The following MYT1L variants were observed in gnomAD, a reference collection of about 807,000 sequenced individuals.
The protein encoded by MYT1L is myelin transcription factor 1-like protein.
Under a neutral mutation model 126.7 loss-of-function variants are expected in MYT1L, and 12 were observed. The ratio of observed to expected loss-of-function variants is 0.09; its 90% confidence interval spans 0.06 to 0.15. MYT1L has a LOEUF of 0.15. Among genes scored for constraint, MYT1L ranks in the 10% least tolerant of loss-of-function variants. The pLI, the probability that MYT1L is intolerant of heterozygous loss-of-function variation, is 1.00. For missense variants in MYT1L, 979 were observed against 1,585.2 expected (o/e 0.62, Z 6.49); for synonymous variants, 541 against 604.2 (o/e 0.90, Z 1.53).
chr2:1,860,047 A>G (rs2044387252), intron 18 of MYT1L, among the ~76,000 whole-genome samples: 1 of 152,178 alleles, frequency 6.6e-6, no homozygotes, highest in Non-Finnish European at 1.5e-5. Context: ...CTCTTCACTT[A>G]TCCCTCTGTG....
intron 18 of MYT1L, among the ~76,000 whole-genome samples, chr2:1,872,701 T>C (rs2046415362): frequency 1.3e-5 from 2 of 152,362 alleles, no homozygotes; most frequent in South Asian, 2.1e-4. Context: ...TTTTCTGACA[T>C]GCCCTCCCTC....
intron 8 of MYT1L, among the ~76,000 whole-genome samples, chr2:1,952,888 TTCCC>T (rs1361197403): frequency 1.3e-5 from 1 of 75,850 alleles, no homozygotes; most frequent in Non-Finnish European, 2.4e-5. Context: ...CTTCCTTCCC[TTCCC>T]TCCTTCTTTC....
intron 3 of MYT1L, among the ~76,000 whole-genome samples, chr2:2,155,431 A>G (rs2086567991): frequency 6.6e-6 from 1 of 152,122 alleles, no homozygotes; most frequent in South Asian, 2.1e-4. Context: ...GTCTATTAAC[A>G]CCTATAATTT....
rs1425374540 is a variant in MYT1L at position 1,917,021 on chromosome 2, C to T, written c.1618+184G>A. ...GGTGGGCTTCATGGTGCACCACTCT[C>T]CTGGGGCTGTGCCATTGGCATGCCC... On this transcript the variant is annotated intron_variant, in intron 11 of 24. Coordinates refer to ENST00000647738, the MANE Select transcript of MYT1L (RefSeq NM_001303052.2). The surrounding 1 kb of genome is among the most constrained non-coding windows in gnomAD (Gnocchi z 5.9). 6.6e-6 allele frequency among the ~76,000 whole-genome samples: 1 copy of T among 152,196 alleles called. No homozygotes were observed. The highest frequency in any genetic ancestry group is 6.5e-5 in the Admixed American group (1 of 15,280).
At chr2:2,311,355 G>A (rs143052038) in intron 1 of MYT1L, among the ~76,000 whole-genome samples, 56 of 152,290 alleles carry the variant, frequency 3.7e-4, no homozygotes, top group African/African-American at 1.2e-3. Flanking sequence ...GCAGCTGAGC[G>A]GCCTGGATCA....
At chr2:2,182,041 A>G (rs2091591142) in intron 2 of MYT1L, among the ~76,000 whole-genome samples, 1 of 152,180 alleles carries the variant, frequency 6.6e-6, no homozygotes, top group Non-Finnish European at 1.5e-5. Context: ...ATATGTAACA[A>G]GCTTTCAGAG....
At chr2:1,980,088 C>T (rs2060490440) in intron 5 of MYT1L, among the ~76,000 whole-genome samples, 1 of 151,640 alleles carries the variant, frequency 6.6e-6, no homozygotes, top group Admixed American at 6.6e-5. Flanking sequence ...GATGGAGACA[C>T]ATCTGTGTGC....
intron 5 of MYT1L, among the ~76,000 whole-genome samples, chr2:1,993,976 A>C (rs2061632739): frequency 6.6e-6 from 1 of 152,218 alleles, no homozygotes; most frequent in South Asian, 2.1e-4. Flanking sequence ...ACATTGATTC[A>C]TAATAGCTGT....
chr2:2,215,825 G>C (rs1022498695), intron 2 of MYT1L, among the ~76,000 whole-genome samples: 4 of 152,050 alleles, frequency 2.6e-5, no homozygotes, highest in African/African-American at 9.7e-5. Flanking sequence ...CCCAGTGTTG[G>C]AGGTGGTCCC....
chr2:1,870,805 A>G (rs2046185293), intron 18 of MYT1L, among the ~76,000 whole-genome samples: 1 of 152,234 alleles, frequency 6.6e-6, no homozygotes, highest in African/African-American at 2.4e-5. Flanking sequence ...GAAAAGCAGC[A>G]TTACAATTTT....
At chr2:1,842,484 G>C (rs1021211994) in intron 19 of MYT1L, 2 of 152,280 alleles carry the variant, frequency 1.3e-5, no homozygotes, top group African/African-American at 4.8e-5. Flanking sequence ...GAAAGAGGCG[G>C]CGAGGCGAGG....
intron 2 of MYT1L, among the ~76,000 whole-genome samples, chr2:2,246,210 C>A (rs947242416): frequency 6.6e-6 from 1 of 152,116 alleles, no homozygotes; most frequent in East Asian, 1.9e-4. Flanking sequence ...GTGACAATGA[C>A]AATCATTTAG....
chr2:2,056,353 A>G (rs534229448), intron 3 of MYT1L, among the ~76,000 whole-genome samples: 1 of 152,332 alleles, frequency 6.6e-6, no homozygotes, highest in Non-Finnish European at 1.5e-5. Context: ...GCTGGAGGTG[A>G]GACTACCTTT....
intron 3 of MYT1L, among the ~76,000 whole-genome samples, chr2:2,098,234 A>C (rs1402753345): frequency 6.6e-6 from 1 of 152,146 alleles, no homozygotes; most frequent in Non-Finnish European, 1.5e-5. Flanking sequence ...GCGTTCCTGT[A>C]GGCTTCTTTC....
chr2:2,235,195 G>T (rs142561522), intron 2 of MYT1L, among the ~76,000 whole-genome samples: 1 of 152,058 alleles, frequency 6.6e-6, no homozygotes, highest in Admixed American at 6.5e-5. Context: ...CTGGTTAGCT[G>T]GTTGGTGTCT....
intron 8 of MYT1L, chr2:1,974,634 C>G (rs2149464401): frequency 6.6e-6 from 1 of 152,192 alleles, no homozygotes; most frequent in Middle Eastern, 3.4e-3. Context: ...CCCTGCTGGG[C>G]AATGTGTGGG....
At chr2:2,202,067 A>C (rs2093101238) in intron 2 of MYT1L, among the ~76,000 whole-genome samples, 3 of 152,172 alleles carry the variant, frequency 2.0e-5, no homozygotes, top group African/African-American at 7.2e-5. Flanking sequence ...TGTTCTTTGA[A>C]ACCAATGAGA....
intron 3 of MYT1L, among the ~76,000 whole-genome samples, chr2:2,152,299 G>A (rs773752858): frequency 5.9e-5 from 9 of 152,218 alleles, no homozygotes; most frequent in Non-Finnish European, 1.0e-4. Flanking sequence ...AGGATGGAGC[G>A]AGAAGGTGTG....
At chr2:2,296,603 AAGAG>A in intron 1 of MYT1L, among the ~76,000 whole-genome samples, 1 of 152,026 alleles carries the variant, frequency 6.6e-6, no homozygotes, top group African/African-American at 2.4e-5. Flanking sequence ...ACTCCAGGAG[AAGAG>A]AGAGGGGGAG....
Sources: gnomAD v4.1 joint callset for allele counts (sites outside exome capture counted in the v4.1 genomes callset) on GRCh38, gnomAD v4.1.1 for gene constraint, Gnocchi (gnomAD v3.1) non-coding constraint, MANE v1.5 for transcripts, NCBI Gene and HGNC (gene_info 2026-07-23, HGNC 2026-07-21) for gene names.